SYT1: variants seen among roughly 807,000 people sequenced by gnomAD.
SYT1 encodes synaptotagmin-1.
SYT1 carries 8 observed loss-of-function variants against 44.8 expected under a neutral mutation model. The ratio of observed to expected loss-of-function variants is 0.18; its 90% CI spans 0.10 to 0.32. The LOEUF (loss-of-function observed/expected upper bound fraction) is 0.32. Ranked by LOEUF, SYT1 falls within the 10% of genes least tolerant of loss-of-function variation. The probability of loss-of-function intolerance (pLI) is 1.00; values close to 1 mark genes in which losing one functional copy is unlikely to be tolerated. For synonymous variants in SYT1, 154 were observed against 188.8 expected (o/e 0.82, Z 1.51); for missense variants, 286 against 509.3 (o/e 0.56, Z 4.22).
At position 79,222,435 on chromosome 12, in the gene SYT1, G is replaced by A. The variant is rs143460565; in HGVS notation, c.166+4750G>A. Among the ~76,000 whole-genome samples the A allele has an allele frequency of 1.2e-3, 186 of 149,782 alleles. 2 individuals are homozygous for A. The highest frequency in any genetic ancestry group is 4.3e-3 in the African/African-American group (173 of 40,552). ...TTTTGCTTGTTACCTAGACTGAGGT[G>A]CAGTGGCACGATCTTGCCTCACTGC... On this transcript the variant is annotated intron_variant, in intron 4 of 10. Transcript: ENST00000261205.
chr12:79,442,371 A>AT (rs954911023), intron 9 of SYT1, among the ~76,000 whole-genome samples: 48 of 151,838 alleles, frequency 3.2e-4, no homozygotes, highest in Non-Finnish European at 2.7e-4. Flanking sequence ...TTTACAGTGG[A>AT]TTTTTTTTTA....
intron 6 of SYT1, among the ~76,000 whole-genome samples, chr12:79,293,713 T>C (rs939758588): frequency 6.6e-6 from 1 of 152,238 alleles, no homozygotes; most frequent in African/African-American, 2.4e-5. Context: ...GTCTTCACTT[T>C]CTAAAGTTTC....
intron 3 of SYT1, among the ~76,000 whole-genome samples, chr12:79,126,733 T>A (rs1868467297): frequency 6.6e-6 from 1 of 152,200 alleles, no homozygotes; most frequent in African/African-American, 2.4e-5. Flanking sequence ...GTGTCCTAGA[T>A]GTCCTGGATT....
At chr12:79,180,219 T>C (rs1209592203) in intron 3 of SYT1, among the ~76,000 whole-genome samples, 1 of 152,050 alleles carries the variant, frequency 6.6e-6, no homozygotes, top group Non-Finnish European at 1.5e-5. Context: ...TTTGAAAATA[T>C]GAACAATATT....
At chr12:79,424,953 C>CTTTTTTTTTTTT (rs398040025) in intron 9 of SYT1, among the ~76,000 whole-genome samples, 5 of 85,250 alleles carry the variant, frequency 5.9e-5, no homozygotes, top group Admixed American at 1.3e-4. Context: ...TTTTCTTCTT[C>CTTTTTTTTTTTT]TTTTTTTTTT....
At position 79,231,220 on chromosome 12, in the gene SYT1, T is replaced by C. The variant is rs114794816; in HGVS notation, c.166+13535T>C. ...ATTATATTTTTAGTGCTTGGCTTTATTTTTGTTTGTTTTGATTTTCCTTTA... is the reference window on the plus strand; with the variant it reads ...ATTATATTTTTAGTGCTTGGCTTTACTTTTGTTTGTTTTGATTTTCCTTTA... On this transcript the variant is annotated intron_variant, in intron 4 of 10. Coordinates refer to ENST00000261205, the MANE Select transcript of SYT1 (RefSeq NM_005639.3). Among the ~76,000 whole-genome samples, 618 of 152,298 alleles carry C rather than the reference T, an allele frequency of 4.1e-3. 3 individuals carry two copies. The highest frequency in any genetic ancestry group is 0.014 in the African/African-American group (582 of 41,572).
chr12:78,884,816 T>C (rs1003643430), intron 1 of SYT1, among the ~76,000 whole-genome samples: 1 of 151,706 alleles, frequency 6.6e-6, no homozygotes, highest in African/African-American at 2.4e-5. Context: ...AAAGAAAAAA[T>C]ATGGAATCTG....
chr12:79,426,888 T>C (rs2136169142), intron 9 of SYT1, among the ~76,000 whole-genome samples: 1 of 152,284 alleles, frequency 6.6e-6, no homozygotes, highest in East Asian at 1.9e-4. Context: ...GTTTCCCCCA[T>C]GCTGTCCTCA....
intron 2 of SYT1, among the ~76,000 whole-genome samples, chr12:79,011,679 A>T (rs1209247615): frequency 1.4e-5 from 2 of 147,992 alleles, no homozygotes; most frequent in African/African-American, 5.0e-5. Context: ...AAAAAAAAAC[A>T]CCTGTGACCA....
At chr12:79,354,923 T>C (rs1883051591) in intron 9 of SYT1, among the ~76,000 whole-genome samples, 1 of 152,190 alleles carries the variant, frequency 6.6e-6, no homozygotes, top group African/African-American at 2.4e-5. Flanking sequence ...TCCTGTCTCT[T>C]ATGCTTTGTC....
intron 9 of SYT1, among the ~76,000 whole-genome samples, chr12:79,423,554 G>T (rs1445078583): frequency 6.6e-6 from 1 of 152,046 alleles, no homozygotes; most frequent in African/African-American, 2.4e-5. Context: ...ATAAAGCTGA[G>T]GTGGTTTGGT....
chr12:78,931,915 C>T (rs1428862317), intron 1 of SYT1, among the ~76,000 whole-genome samples: 1 of 152,188 alleles, frequency 6.6e-6, no homozygotes, highest in Non-Finnish European at 1.5e-5. Flanking sequence ...CTTCTCCCAT[C>T]TATATATGAA....
chr12:79,163,243 T>C (rs1871054896), intron 3 of SYT1, among the ~76,000 whole-genome samples: 1 of 152,122 alleles, frequency 6.6e-6, no homozygotes, highest in Admixed American at 6.6e-5. Context: ...TCTTCAGTGT[T>C]CATGGTAATT....
At chr12:79,018,269 T>C (rs1773939927) in intron 2 of SYT1, among the ~76,000 whole-genome samples, 1 of 145,472 alleles carries the variant, frequency 6.9e-6, no homozygotes. Flanking sequence ...CCACATGTTC[T>C]CACTCATAGG....
intron 2 of SYT1, among the ~76,000 whole-genome samples, chr12:79,020,091 T>C (rs1043108757): frequency 2.6e-5 from 4 of 152,024 alleles, no homozygotes; most frequent in African/African-American, 9.7e-5. Flanking sequence ...CTCCTGTCTT[T>C]TTCCCTGATC....
chr12:78,903,918 C>T (rs1276987241), intron 1 of SYT1, among the ~76,000 whole-genome samples: 1 of 151,714 alleles, frequency 6.6e-6, no homozygotes, highest in African/African-American at 2.4e-5. Flanking sequence ...TTCTCTTACC[C>T]CATTATTTTT....
intron 4 of SYT1, among the ~76,000 whole-genome samples, chr12:79,229,167 C>G (rs1371732191): frequency 6.6e-6 from 1 of 152,210 alleles, no homozygotes; most frequent in Non-Finnish European, 1.5e-5. Context: ...TGAGGAACAA[C>G]AGCAAAGCTG....
chr12:79,041,985 A>G (rs996747718), intron 2 of SYT1, among the ~76,000 whole-genome samples: 8 of 152,052 alleles, frequency 5.3e-5, no homozygotes, highest in African/African-American at 1.7e-4. Flanking sequence ...CCACTTGATC[A>G]TGGTGGATAA....
At chr12:78,918,904 G>A (rs981585) in intron 1 of SYT1, among the ~76,000 whole-genome samples, 119,663 of 152,012 alleles carry the variant, frequency 0.79, 48,089 homozygotes, top group African/African-American at 0.95. Context: ...TTAAATTTCA[G>A]TGCAGTATGT....
Sources: gnomAD v4.1 joint callset for allele counts (sites outside exome capture counted in the v4.1 genomes callset) on GRCh38, gnomAD v4.1.1 for gene constraint, MANE v1.5 for transcripts, NCBI Gene and HGNC (gene_info 2026-07-23, HGNC 2026-07-21) for gene names.